LRMDA: variants seen among roughly 807,000 people sequenced by gnomAD.
LRMDA encodes leucine rich melanocyte differentiation associated, also known as leucine-rich melanocyte differentiation-associated protein.
Under a neutral mutation model 29.8 loss-of-function variants are expected in LRMDA, and 18 were observed. That is an observed-to-expected ratio of 0.60 (90% confidence interval 0.42 to 0.90). The LOEUF is 0.90. Ranked by LOEUF, LRMDA falls within the 40% of genes least tolerant of loss-of-function variation. LRMDA has a pLI of 0.00. For missense variants in LRMDA, 273 were observed against 273.9 expected (o/e 1.00, Z 0.02); for synonymous variants, 125 against 109.4 (o/e 1.14, Z -0.89).
chr10:75,881,380 C>G (rs1845290151), intron 2 of LRMDA, among the ~76,000 whole-genome samples: 2 of 152,110 alleles, frequency 1.3e-5, no homozygotes, highest in Non-Finnish European at 2.9e-5. Flanking sequence ...GGCAGGGAAC[C>G]TAACGCCGAT....
chr10:75,808,863 C>T (rs1054528871), intron 2 of LRMDA, among the ~76,000 whole-genome samples: 1 of 152,158 alleles, frequency 6.6e-6, no homozygotes, highest in Non-Finnish European at 1.5e-5. Context: ...TCTTAGAATA[C>T]TGCTTTGGTC....
intron 2 of LRMDA, among the ~76,000 whole-genome samples, chr10:75,442,902 T>C (rs1188630435): frequency 6.6e-6 from 1 of 152,146 alleles, no homozygotes; most frequent in East Asian, 1.9e-4. Context: ...GTAGTTTTCA[T>C]TGTACAGCTC....
intron 6 of LRMDA, among the ~76,000 whole-genome samples, chr10:76,367,988 TC>T (rs1261772310): frequency 2.6e-5 from 4 of 152,208 alleles, no homozygotes; most frequent in African/African-American, 9.7e-5. Context: ...GGATCTTCTG[TC>T]TTCTTTTCTT....
At chr10:75,626,158 G>A (rs1373700562) in intron 2 of LRMDA, among the ~76,000 whole-genome samples, 5 of 151,930 alleles carry the variant, frequency 3.3e-5, no homozygotes, top group East Asian at 1.9e-4. Context: ...CACCACACCC[G>A]GCCAAGAGGA....
chr10:76,230,623 C>T (rs563861072), intron 5 of LRMDA, among the ~76,000 whole-genome samples: 1 of 150,290 alleles, frequency 6.7e-6, no homozygotes, highest in African/African-American at 2.4e-5. Context: ...ATGACACCAT[C>T]TTGGCATTTC....
At chr10:76,073,427 T>C (rs188864459) in intron 5 of LRMDA, among the ~76,000 whole-genome samples, 1 of 152,366 alleles carries the variant, frequency 6.6e-6, no homozygotes, top group Non-Finnish European at 1.5e-5. Flanking sequence ...TCCTCAAATA[T>C]ATTCTTTCTA....
At chr10:76,246,284 A>T (rs543590105) in intron 5 of LRMDA, among the ~76,000 whole-genome samples, 35 of 152,146 alleles carry the variant, frequency 2.3e-4, no homozygotes, top group African/African-American at 8.0e-4. Flanking sequence ...AGGAAATGAA[A>T]CTCAAAAAGC....
At chr10:76,243,828 G>A (rs778503031) in intron 5 of LRMDA, among the ~76,000 whole-genome samples, 4 of 152,094 alleles carry the variant, frequency 2.6e-5, no homozygotes, top group African/African-American at 7.2e-5. Context: ...AAAATATATC[G>A]CTCCATCCTA....
At chr10:75,889,044 G>A (rs1162377710) in intron 2 of LRMDA, among the ~76,000 whole-genome samples, 1 of 152,108 alleles carries the variant, frequency 6.6e-6, no homozygotes, top group East Asian at 1.9e-4. Context: ...ATAGCTAAGT[G>A]CAAACTTTCC....
chr10:76,380,641 C>G (rs1300908443), intron 6 of LRMDA, among the ~76,000 whole-genome samples: 5 of 146,876 alleles, frequency 3.4e-5, no homozygotes, highest in Non-Finnish European at 7.4e-5. Context: ...TGCACTCCAG[C>G]CTGGGCGACA....
intron 5 of LRMDA, among the ~76,000 whole-genome samples, chr10:76,208,049 A>G (rs1194705683): frequency 6.6e-6 from 1 of 152,166 alleles, no homozygotes; most frequent in East Asian, 1.9e-4. Context: ...TGCTCTCACC[A>G]AGATGCAGTT....
chr10:76,417,508 C>T (rs1043214443), intron 6 of LRMDA, among the ~76,000 whole-genome samples: 1 of 151,792 alleles, frequency 6.6e-6, no homozygotes, highest in African/African-American at 2.4e-5. Flanking sequence ...CCCTGCCCCC[C>T]ACAAACTCTC....
chr10:76,520,258 T>A (rs1236093737), intron 6 of LRMDA, among the ~76,000 whole-genome samples: 2 of 150,012 alleles, frequency 1.3e-5, no homozygotes, highest in African/African-American at 5.0e-5. Context: ...AACACTAATC[T>A]TTCAGTTTTT....
chr10:76,196,865 T>C (rs1851339566), intron 5 of LRMDA, among the ~76,000 whole-genome samples: 1 of 152,256 alleles, frequency 6.6e-6, no homozygotes, highest in African/African-American at 2.4e-5. Flanking sequence ...TCTACCTTTG[T>C]GACATCTAGC....
In LRMDA at chr10:76,068,125, G is replaced by GGGAT. The variant is rs1848814437; in HGVS notation, c.516+9345_516+9348dup. Among the ~76,000 whole-genome samples the GGGAT allele has an allele frequency of 2.0e-5, 3 of 152,238 alleles. No individual in the cohort carries two copies. The South Asian group carries it at 6.2e-4, about 32-fold the overall frequency. ...ATGGCTAAGGAAGAAGGAGAAAACA[G>GGGAT]GGATGGCATGGTCCCATTTTCTACT... On this transcript the variant is annotated intron_variant, in intron 5 of 6. Coordinates refer to ENST00000611255, the MANE Select transcript of LRMDA (RefSeq NM_001305581.2).
chr10:75,838,208 T>C (rs961249697), intron 2 of LRMDA, among the ~76,000 whole-genome samples: 2 of 152,182 alleles, frequency 1.3e-5, no homozygotes, highest in Non-Finnish European at 1.5e-5. Flanking sequence ...CTTTATCGAA[T>C]ATATAATATG....
Position 76,557,369 on chromosome 10 carries a change from A to AAAAC in LRMDA, c.*84_*87dup, listed in dbSNP as rs370538690. Reference sequence around the variant, plus strand: ...CAAAAATAAAGAAAACGCTAAAGAAAAAACAATAGCCCACATTGCCTCTCT... The same window carrying AAAAC: ...CAAAAATAAAGAAAACGCTAAAGAAAAAACAAACAATAGCCCACATTGCCTCTCT... On this transcript the variant is annotated 3_prime_UTR_variant, in exon 7 of 7. Transcript: ENST00000611255. 34 of 1,172,514 alleles carry AAAAC rather than the reference A, an allele frequency of 2.9e-5. No individual in the cohort carries two copies. Among genetic ancestry groups the AAAAC allele is most frequent in the African/African-American group, 4.6e-5 (3 of 65,576 alleles). The allele number at this position is 1,172,514 out of a possible 1,614,324, so 72.6% of individuals were successfully genotyped here. A position where few individuals can be genotyped will look rare whatever the true frequency, so the allele number is the denominator to read the frequency against.
At chr10:75,542,897 G>C (rs1468922793) in intron 2 of LRMDA, among the ~76,000 whole-genome samples, 1 of 152,150 alleles carries the variant, frequency 6.6e-6, no homozygotes, top group Non-Finnish European at 1.5e-5. Context: ...GCCACTGTCC[G>C]GCGCAGCCTG....
At chr10:75,661,729 G>C (rs781606043) in intron 2 of LRMDA, among the ~76,000 whole-genome samples, 9 of 152,180 alleles carry the variant, frequency 5.9e-5, no homozygotes, top group Non-Finnish European at 8.8e-5. Context: ...AAACACACAT[G>C]ATGTACAGAT....
Sources: allele counts gnomAD v4.1 joint callset (sites outside exome capture counted in the v4.1 genomes callset), GRCh38; gene constraint gnomAD v4.1.1; transcripts MANE v1.5; gene names NCBI Gene and HGNC (gene_info 2026-07-23, HGNC 2026-07-21).